Variants in RBFOX1 observed in about 807,000 individuals in gnomAD.
RBFOX1 encodes the protein RNA binding fox-1 homolog 1, also known as RNA binding protein fox-1 homolog 1.
In RBFOX1, 8 loss-of-function variants were observed where a neutral mutation model predicts 57.7. The ratio of observed to expected loss-of-function variants is 0.14; its 90% CI spans 0.08 to 0.25. RBFOX1 has a LOEUF of 0.25. Among genes scored for constraint, RBFOX1 ranks in the 10% least tolerant of loss-of-function variants. The pLI is 1.00. For missense variants in RBFOX1, 611 were observed against 548.5 expected (o/e 1.11, Z -1.14); for synonymous variants, 326 against 222.4 (o/e 1.47, Z -4.15).
chr16:6,389,351 C>A (rs2092474750), intron 2 of RBFOX1, among the ~76,000 whole-genome samples: 1 of 150,152 alleles, frequency 6.7e-6, no homozygotes, highest in Non-Finnish European at 1.5e-5. Context: ...GCTTACATAT[C>A]CTTCATTTTT....
At chr16:7,477,672 T>G (rs998909600) in intron 4 of RBFOX1, among the ~76,000 whole-genome samples, 11 of 152,200 alleles carry the variant, frequency 7.2e-5, no homozygotes, top group Admixed American at 2.0e-4. Context: ...TCAAGTCCAC[T>G]GCATTGGTTT....
intron 2 of RBFOX1, among the ~76,000 whole-genome samples, chr16:6,526,275 G>A (rs1329923782): frequency 3.9e-5 from 6 of 152,160 alleles, no homozygotes. Flanking sequence ...GTTTCCTATC[G>A]TGCTGTTATG....
At chr16:6,760,626 T>C (rs1026214067) in intron 3 of RBFOX1, among the ~76,000 whole-genome samples, 6 of 152,148 alleles carry the variant, frequency 3.9e-5, no homozygotes, top group South Asian at 2.1e-4. Context: ...CTAGACTGAA[T>C]TGGGTGAGAC....
At chr16:5,867,309 G>A (rs954294759) in exon 4 of RBFOX1, 2 of 1,209,900 alleles carry the variant, frequency 1.7e-6, no homozygotes, top group Middle Eastern at 3.2e-4. Context: ...GCAGGTTTCG[G>A]CAAGTCAGGC....
intron 2 of RBFOX1, among the ~76,000 whole-genome samples, chr16:5,559,850 G>T (rs1346831777): frequency 6.6e-6 from 1 of 152,122 alleles, no homozygotes; most frequent in East Asian, 1.9e-4. Flanking sequence ...ACTTCTGCAA[G>T]CTCACATCAT....
At chr16:5,346,049 C>T (rs1228249258) in intron 1 of RBFOX1, among the ~76,000 whole-genome samples, 2 of 152,186 alleles carry the variant, frequency 1.3e-5, no homozygotes, top group South Asian at 4.1e-4. Context: ...AGACTTGGAA[C>T]CTGAAAGGCT....
chr16:7,687,623 C>T (rs932382107), intron 14 of RBFOX1, among the ~76,000 whole-genome samples: 1 of 151,798 alleles, frequency 6.6e-6, no homozygotes, highest in Non-Finnish European at 1.5e-5. Context: ...ATTTTAACAA[C>T]AAGAATAAAC....
intron 3 of RBFOX1, among the ~76,000 whole-genome samples, chr16:5,796,372 A>G (rs1191569138): frequency 6.6e-6 from 1 of 152,224 alleles, no homozygotes; most frequent in African/African-American, 2.4e-5. Context: ...TCAATCCAGG[A>G]TCTGGACCAA....
intron 2 of RBFOX1, among the ~76,000 whole-genome samples, chr16:6,528,957 AT>A: frequency 6.6e-6 from 1 of 152,296 alleles, no homozygotes; most frequent in South Asian, 2.1e-4. Flanking sequence ...ATGTTTGAAC[AT>A]TATCAATTTC....
intron 5 of RBFOX1, among the ~76,000 whole-genome samples, chr16:7,521,022 A>G (rs780809792): frequency 6.6e-6 from 1 of 152,218 alleles, no homozygotes; most frequent in Non-Finnish European, 1.5e-5. Flanking sequence ...GGCAAATAGC[A>G]TGTGTGATAG....
chr16:6,977,368 A>C (rs1057053271), intron 3 of RBFOX1, among the ~76,000 whole-genome samples: 2 of 152,090 alleles, frequency 1.3e-5, no homozygotes, highest in South Asian at 2.1e-4. Context: ...TTTGTTCTCT[A>C]GATACCGGGA....
At chr16:5,937,470 G>C (rs1262520427) in intron 4 of RBFOX1, among the ~76,000 whole-genome samples, 1 of 151,920 alleles carries the variant, frequency 6.6e-6, no homozygotes, top group Non-Finnish European at 1.5e-5. Flanking sequence ...AAAGCCCCTG[G>C]AATAAGCAGG....
intron 4 of RBFOX1, among the ~76,000 whole-genome samples, chr16:5,999,417 G>C (rs2060547886): frequency 6.6e-6 from 1 of 152,150 alleles, no homozygotes; most frequent in South Asian, 2.1e-4. Flanking sequence ...ATAGCATCTT[G>C]TAAATACTTA....
intron 4 of RBFOX1, among the ~76,000 whole-genome samples, chr16:7,503,393 G>C (rs2071659218): frequency 6.6e-6 from 1 of 152,216 alleles, no homozygotes; most frequent in Non-Finnish European, 1.5e-5. Context: ...AGCAGGCAGA[G>C]AATACTCTGG....
At chr16:7,603,122 G>C (rs1406465820) in intron 9 of RBFOX1, among the ~76,000 whole-genome samples, 1 of 152,148 alleles carries the variant, frequency 6.6e-6, no homozygotes, top group Non-Finnish European at 1.5e-5. Flanking sequence ...CATCAAAAAA[G>C]TAATTTCAAC....
chr16:6,841,961 A>C (rs2141496243), intron 3 of RBFOX1, among the ~76,000 whole-genome samples: 1 of 140,548 alleles, frequency 7.1e-6, no homozygotes, highest in South Asian at 2.3e-4. Context: ...ATACGGTGAA[A>C]CCCCGTCTCT....
intron 4 of RBFOX1, among the ~76,000 whole-genome samples, chr16:7,142,986 A>C (rs1287875832): frequency 1.3e-5 from 2 of 151,896 alleles, no homozygotes; most frequent in Non-Finnish European, 2.9e-5. Flanking sequence ...TATGACTCCA[A>C]AATTGGGACT....
intron 11 of RBFOX1, among the ~76,000 whole-genome samples, chr16:7,641,813 G>A (rs1194551213): frequency 2.0e-5 from 3 of 152,190 alleles, no homozygotes; most frequent in African/African-American, 7.2e-5. Flanking sequence ...TCCTCGCCAT[G>A]TAAATAGCCA....
At chr16:7,470,985 C>G (rs993094739) in intron 4 of RBFOX1, among the ~76,000 whole-genome samples, 11 of 151,698 alleles carry the variant, frequency 7.3e-5, no homozygotes, top group African/African-American at 2.2e-4. Context: ...TTCCATGATC[C>G]TACTGCCAAG....
Sources: gnomAD v4.1 joint callset for allele counts (sites outside exome capture counted in the v4.1 genomes callset) on GRCh38, gnomAD v4.1.1 for gene constraint, MANE v1.5 for transcripts, NCBI Gene and HGNC (gene_info 2026-07-23, HGNC 2026-07-21) for gene names.